Variants in TIAM1 observed in about 807,000 individuals in gnomAD.
TIAM1 encodes the protein rho guanine nucleotide exchange factor TIAM1.
A neutral mutation model predicts 163.5 loss-of-function variants in TIAM1; 65 were observed. That is an observed-to-expected ratio of 0.40 (90% CI 0.33 to 0.49). The LOEUF (loss-of-function observed/expected upper bound fraction) is 0.49. Among genes scored for constraint, TIAM1 ranks in the 20% least tolerant of loss-of-function variants. The pLI, the probability that TIAM1 is intolerant of heterozygous loss-of-function variation, is 0.77. For synonymous variants in TIAM1, 833 were observed against 810.1 expected (o/e 1.03, Z -0.48); for missense variants, 1,789 against 2,044.7 (o/e 0.87, Z 2.41).
At chr21:31,514,459 C>A (rs2047313590) in intron 1 of TIAM1, among the ~76,000 whole-genome samples, 1 of 151,346 alleles carries the variant, frequency 6.6e-6, no homozygotes, top group African/African-American at 2.4e-5. Flanking sequence ...GGGCAGATCA[C>A]CTGGGGTCAG....
At chr21:31,363,670 C>T (rs960514177) in intron 2 of TIAM1, among the ~76,000 whole-genome samples, 1 of 152,110 alleles carries the variant, frequency 6.6e-6, no homozygotes, top group Non-Finnish European at 1.5e-5. Flanking sequence ...AATGATCACA[C>T]GATGAATGTC....
intron 3 of TIAM1, among the ~76,000 whole-genome samples, chr21:31,271,845 G>C (rs959335218): frequency 6.6e-6 from 1 of 152,270 alleles, no homozygotes; most frequent in Non-Finnish European, 1.5e-5. Context: ...CAGGGCCAGG[G>C]ATCAAAGACA....
chr21:31,362,734 T>G (rs1465522657), intron 2 of TIAM1, among the ~76,000 whole-genome samples: 1 of 152,088 alleles, frequency 6.6e-6, no homozygotes, highest in Admixed American at 6.5e-5. Flanking sequence ...CCCAAAGTGC[T>G]TGTATTACAG....
chr21:31,465,732 A>C (rs972023685), intron 1 of TIAM1, among the ~76,000 whole-genome samples: 1 of 152,090 alleles, frequency 6.6e-6, no homozygotes, highest in Admixed American at 6.6e-5. Flanking sequence ...CACCATGCCC[A>C]GCGAATTTTT....
intron 2 of TIAM1, among the ~76,000 whole-genome samples, chr21:31,431,139 G>A (rs1233952329): frequency 6.6e-6 from 1 of 152,068 alleles, no homozygotes; most frequent in East Asian, 1.9e-4. Context: ...CTTATCCACT[G>A]GAAGAACAAC....
chr21:31,231,841 C>T (rs147748127), intron 6 of TIAM1, among the ~76,000 whole-genome samples: 2,715 of 152,102 alleles, frequency 0.018, 86 homozygotes, highest in African/African-American at 0.063. Context: ...GGTGAAACCC[C>T]GTCTCTACTA....
chr21:31,549,942 G>GTCTCTA (rs2123312529), intron 1 of TIAM1, among the ~76,000 whole-genome samples: 1 of 152,210 alleles, frequency 6.6e-6, no homozygotes, highest in South Asian at 2.1e-4. Context: ...TGGCCAACAT[G>GTCTCTA]GTGAAACTCT....
At chr21:31,528,365 A>C (rs891380666) in intron 1 of TIAM1, among the ~76,000 whole-genome samples, 2 of 152,076 alleles carry the variant, frequency 1.3e-5, no homozygotes, top group South Asian at 4.2e-4. Context: ...AAATTTGAAA[A>C]TTAGCTGGGC....
chr21:31,504,456 CA>C (rs1390930335), intron 1 of TIAM1, among the ~76,000 whole-genome samples: 1 of 152,228 alleles, frequency 6.6e-6, no homozygotes, highest in Non-Finnish European at 1.5e-5. Flanking sequence ...ACCTTGAGGG[CA>C]ATGCACCCCT....
intron 1 of TIAM1, among the ~76,000 whole-genome samples, chr21:31,530,698 AC>A (rs969201578): frequency 6.6e-6 from 1 of 151,910 alleles, no homozygotes; most frequent in African/African-American, 2.4e-5. Flanking sequence ...AGCTGTCCCC[AC>A]CAGCTGGTCA....
chr21:31,284,825 C>T (rs1601824049), intron 2 of TIAM1, among the ~76,000 whole-genome samples: 1 of 152,056 alleles, frequency 6.6e-6, no homozygotes, highest in South Asian at 2.1e-4. Context: ...TTTTCCAAGC[C>T]TGAAGTTCAG....
rs534841678 is a variant in TIAM1 at position 31,246,586 on chromosome 21, T to G, written c.1412-926A>C. Among the ~76,000 whole-genome samples, 3 of 152,328 alleles carry G rather than the reference T, an allele frequency of 2.0e-5. No homozygotes were observed. In the East Asian group the frequency reaches 5.8e-4, roughly 29 times the overall value. On this transcript the variant is annotated intron_variant, in intron 5 of 27. Coordinates refer to ENST00000541036, the MANE Select transcript of TIAM1 (RefSeq NM_001353694.2). ...TCCTTACCACAAACAAGTGCCACAC[T>G]TCCTGTGAACTGCACAACCCTTGAA...
At chr21:31,238,088 G>C (rs1232114411) in intron 6 of TIAM1, among the ~76,000 whole-genome samples, 1 of 152,188 alleles carries the variant, frequency 6.6e-6, no homozygotes, top group Non-Finnish European at 1.5e-5. Context: ...TTCCATGGGT[G>C]AATCTGTGGG....
intron 12 of TIAM1, among the ~76,000 whole-genome samples, chr21:31,201,419 T>TAC (rs1384784916): frequency 3.3e-5 from 5 of 151,942 alleles, no homozygotes; most frequent in African/African-American, 9.7e-5. Flanking sequence ...CTATAAGTGT[T>TAC]ACAAAAGCAC....
intron 2 of TIAM1, among the ~76,000 whole-genome samples, chr21:31,355,389 C>A (rs2076298883): frequency 6.6e-6 from 1 of 152,040 alleles, no homozygotes; most frequent in African/African-American, 2.4e-5. Flanking sequence ...ATGAAGGTAA[C>A]CTTAGACTTG....
chr21:31,290,622 C>T (rs999097700), intron 2 of TIAM1, among the ~76,000 whole-genome samples: 12 of 139,956 alleles, frequency 8.6e-5, no homozygotes, highest in Admixed American at 3.9e-4. Flanking sequence ...ACTCCGGCCC[C>T]GGTAACAGAG....
intron 2 of TIAM1, among the ~76,000 whole-genome samples, chr21:31,425,466 T>G (rs1007828462): frequency 6.6e-6 from 1 of 152,120 alleles, no homozygotes; most frequent in Non-Finnish European, 1.5e-5. Context: ...TTAGACAGCT[T>G]CTCAGACTTA....
intron 2 of TIAM1, among the ~76,000 whole-genome samples, chr21:31,420,894 G>A (rs1015819073): frequency 6.6e-6 from 1 of 152,072 alleles, no homozygotes; most frequent in Admixed American, 6.6e-5. Flanking sequence ...GGCCAAGGTG[G>A]GTGGACCACC....
intron 17 of TIAM1, among the ~76,000 whole-genome samples, chr21:31,153,520 A>C (rs1480879499): frequency 6.6e-6 from 1 of 152,188 alleles, no homozygotes; most frequent in Admixed American, 6.5e-5. Flanking sequence ...GATTTAAAAG[A>C]CTAAGATATA....
Sources: allele counts gnomAD v4.1 joint callset (sites outside exome capture counted in the v4.1 genomes callset), GRCh38; gene constraint gnomAD v4.1.1; transcripts MANE v1.5; gene names NCBI Gene and HGNC (gene_info 2026-07-23, HGNC 2026-07-21).